Variants in CHRM3 observed in about 807,000 individuals in gnomAD.
The protein encoded by CHRM3 is muscarinic acetylcholine receptor M3.
Under a neutral mutation model 41.8 loss-of-function variants are expected in CHRM3, and 11 were observed. The observed-to-expected ratio is 0.26, with a 90% CI of 0.17 to 0.44. The LOEUF is 0.44. CHRM3 is among the 20% of genes least tolerant of loss of function. The pLI is 1.00. For missense variants in CHRM3, 571 were observed against 745.4 expected (o/e 0.77, Z 2.72); for synonymous variants, 297 against 301.4 (o/e 0.99, Z 0.15).
At chr1:239,596,721 G>A (rs1008939916) in intron 3 of CHRM3, among the ~76,000 whole-genome samples, 12 of 152,120 alleles carry the variant, frequency 7.9e-5, no homozygotes, top group Admixed American at 7.2e-4. Context: ...TGTCTAGAAT[G>A]TGAAACACAT....
In CHRM3 at chr1:239,525,353, T is replaced by C. The variant is rs374814243; in HGVS notation, c.-421-20288T>C. Among the ~76,000 whole-genome samples, 467 of 146,806 alleles carry C rather than the reference T, an allele frequency of 3.2e-3. 3 individuals carry two copies. The highest frequency in any genetic ancestry group is 0.011 in the African/African-American group (446 of 40,476). ...GATGCTGTCCCCAAAAAAGAAAAAATCCACGTGATATTTACTTCCCTAGCA... is the reference window on the plus strand; with the variant it reads ...GATGCTGTCCCCAAAAAAGAAAAAACCCACGTGATATTTACTTCCCTAGCA... On this transcript the variant is annotated intron_variant, in intron 2 of 6. Transcript: ENST00000676153.
chr1:239,509,791 T>G (rs941250408), intron 2 of CHRM3, among the ~76,000 whole-genome samples: 6 of 152,148 alleles, frequency 3.9e-5, no homozygotes, highest in Non-Finnish European at 8.8e-5. Context: ...TAGTCAACAA[T>G]TAACAAGTTT....
chr1:239,811,754 T>A (rs1439938784), intron 5 of CHRM3, among the ~76,000 whole-genome samples: 1 of 152,180 alleles, frequency 6.6e-6, no homozygotes, highest in Non-Finnish European at 1.5e-5. Context: ...TCAGGCCACC[T>A]AATGTTAAAA....
At chr1:239,776,593 A>C (rs898643581) in intron 5 of CHRM3, among the ~76,000 whole-genome samples, 2 of 152,160 alleles carry the variant, frequency 1.3e-5, no homozygotes, top group African/African-American at 4.8e-5. Context: ...AAAAGAAGGA[A>C]TCCGTCCATG....
At chr1:239,584,108 CTTT>C (rs769127124) in intron 3 of CHRM3, among the ~76,000 whole-genome samples, 11 of 124,398 alleles carry the variant, frequency 8.8e-5, no homozygotes, top group East Asian at 2.3e-4. Flanking sequence ...TCTTCTTCTT[CTTT>C]TTTTTTTTTT....
At chr1:239,401,879 C>T (rs1008971609) in intron 1 of CHRM3, among the ~76,000 whole-genome samples, 3 of 152,146 alleles carry the variant, frequency 2.0e-5, no homozygotes, top group African/African-American at 7.2e-5. Context: ...TTGAATGCCA[C>T]ACCCAAAGCT....
At chr1:239,868,053 G>A (rs574287892) in intron 6 of CHRM3, among the ~76,000 whole-genome samples, 1 of 152,292 alleles carries the variant, frequency 6.6e-6, no homozygotes, top group South Asian at 2.1e-4. Flanking sequence ...GTGTGCCCGT[G>A]GCACCCAGCA....
intron 6 of CHRM3, among the ~76,000 whole-genome samples, chr1:239,860,589 T>G (rs1472221756): frequency 2.0e-5 from 3 of 152,184 alleles, no homozygotes; most frequent in Non-Finnish European, 4.4e-5. Context: ...CACATGAAAT[T>G]TATGTTGCAG....
intron 2 of CHRM3, among the ~76,000 whole-genome samples, chr1:239,493,515 A>G (rs1258780260): frequency 6.6e-6 from 1 of 152,212 alleles, no homozygotes; most frequent in Non-Finnish European, 1.5e-5. Context: ...ACATTTATTT[A>G]TATTGTTTCT....
At chr1:239,642,617 C>G (rs12097130) in intron 4 of CHRM3, among the ~76,000 whole-genome samples, 41,246 of 152,052 alleles carry the variant, frequency 0.27, 5,767 homozygotes, top group Admixed American at 0.3. Context: ...TCAGCTCCAT[C>G]AGCTCCTTTA....
At chr1:239,439,010 T>C (rs112818711) in intron 1 of CHRM3, among the ~76,000 whole-genome samples, 47 of 152,126 alleles carry the variant, frequency 3.1e-4, no homozygotes, top group African/African-American at 1.0e-3. Flanking sequence ...TCCTGAGCAG[T>C]TGTGTAAGTT....
chr1:239,828,809 G>GTT (rs886449015), intron 6 of CHRM3, among the ~76,000 whole-genome samples: 1 of 152,176 alleles, frequency 6.6e-6, no homozygotes, highest in Non-Finnish European at 1.5e-5. Context: ...TCTGAGTTAG[G>GTT]TTTTGGAAGT....
chr1:239,405,414 G>A (rs555775590), intron 1 of CHRM3, among the ~76,000 whole-genome samples: 4 of 152,188 alleles, frequency 2.6e-5, no homozygotes, highest in East Asian at 3.9e-4. Flanking sequence ...GTGGGTTTAC[G>A]TCTTTGTGAA....
intron 5 of CHRM3, among the ~76,000 whole-genome samples, chr1:239,779,405 G>A (rs1668343852): frequency 6.6e-6 from 1 of 152,210 alleles, no homozygotes; most frequent in African/African-American, 2.4e-5. Flanking sequence ...CACAATTACA[G>A]AATCATGTAT....
At chr1:239,461,569 A>C (rs1572383133) in intron 1 of CHRM3, among the ~76,000 whole-genome samples, 1 of 152,050 alleles carries the variant, frequency 6.6e-6, no homozygotes, top group African/African-American at 2.4e-5. Flanking sequence ...TGTACAAGCA[A>C]ATCTTAATGT....
intron 1 of CHRM3, among the ~76,000 whole-genome samples, chr1:239,431,396 C>G (rs1245938179): frequency 3.9e-5 from 6 of 152,120 alleles, no homozygotes; most frequent in Admixed American, 6.5e-5. Flanking sequence ...GAGGATATAA[C>G]TACACAAGGC....
At chr1:239,538,906 A>G (rs549730956) in intron 2 of CHRM3, among the ~76,000 whole-genome samples, 1 of 152,308 alleles carries the variant, frequency 6.6e-6, no homozygotes, top group Non-Finnish European at 1.5e-5. Flanking sequence ...TGGCTATCAA[A>G]TAAGTGCCCT....
chr1:239,452,873 T>G (rs189147643), intron 1 of CHRM3, among the ~76,000 whole-genome samples: 188 of 152,306 alleles, frequency 1.2e-3, no homozygotes, highest in Non-Finnish European at 2.2e-3. Context: ...TGATCTGGGC[T>G]CACTGCAAGC....
chr1:239,394,034 G>A (rs1446234600), intron 1 of CHRM3, among the ~76,000 whole-genome samples: 1 of 152,090 alleles, frequency 6.6e-6, no homozygotes, highest in African/African-American at 2.4e-5. Flanking sequence ...AATGTGCAAA[G>A]TACCATGGAC....
Sources: gnomAD v4.1 joint callset for allele counts (sites outside exome capture counted in the v4.1 genomes callset) on GRCh38, gnomAD v4.1.1 for gene constraint, MANE v1.5 for transcripts, NCBI Gene and HGNC (gene_info 2026-07-23, HGNC 2026-07-21) for gene names.